Variants in MAML3 observed in about 807,000 individuals in gnomAD.
MAML3 encodes the protein mastermind like transcriptional coactivator 3, also known as mastermind-like protein 3.
MAML3 carries 27 observed loss-of-function variants against 101.9 expected under a neutral mutation model. The ratio of observed to expected loss-of-function variants is 0.27; its 90% CI spans 0.20 to 0.37. The LOEUF is 0.37. MAML3 is among the 10% of genes least tolerant of loss of function. The pLI is 1.00. For missense variants in MAML3, 1,316 were observed against 1,444.9 expected, an observed-to-expected ratio of 0.91 and a Z score of 1.45; for synonymous variants, 501 against 555.9, an observed-to-expected ratio of 0.90 and a Z score of 1.39.
intron 1 of MAML3, among the ~76,000 whole-genome samples, chr4:139,999,675 C>T (rs1734884269): frequency 6.6e-6 from 1 of 152,180 alleles, no homozygotes; most frequent in South Asian, 2.1e-4. Context: ...ATTGACATCC[C>T]ATCCAATATA....
intron 2 of MAML3, among the ~76,000 whole-genome samples, chr4:139,763,126 T>C (rs1729787858): frequency 6.6e-6 from 1 of 152,206 alleles, no homozygotes; most frequent in African/African-American, 2.4e-5. Flanking sequence ...TATCCAGGGA[T>C]GACAATCTAA....
At chr4:139,798,600 G>T (rs1303663640) in intron 2 of MAML3, among the ~76,000 whole-genome samples, 1 of 152,276 alleles carries the variant, frequency 6.6e-6, no homozygotes, top group East Asian at 1.9e-4. Context: ...GTCATGATGT[G>T]CTCTCCCTAT....
chr4:139,959,784 T>G (rs1243928870), intron 1 of MAML3, among the ~76,000 whole-genome samples: 74 of 152,240 alleles, frequency 4.9e-4, no homozygotes, highest in Non-Finnish European at 1.5e-5. Flanking sequence ...GGCAGATTTA[T>G]GTATAACAAG....
intron 2 of MAML3, among the ~76,000 whole-genome samples, chr4:139,862,443 C>T (rs1731800197): frequency 6.6e-6 from 1 of 152,188 alleles, no homozygotes; most frequent in Admixed American, 6.5e-5. Context: ...TTTGACCATC[C>T]AGCTCACTGT....
At chr4:139,909,662 C>A (rs896557316) in intron 1 of MAML3, among the ~76,000 whole-genome samples, 3 of 151,850 alleles carry the variant, frequency 2.0e-5, no homozygotes, top group Non-Finnish European at 4.4e-5. Context: ...TATGGTGAAA[C>A]CCCATTTCTA....
At chr4:139,942,079 A>C (rs1206408200) in intron 1 of MAML3, among the ~76,000 whole-genome samples, 1 of 152,118 alleles carries the variant, frequency 6.6e-6, no homozygotes, top group African/African-American at 2.4e-5. Flanking sequence ...GGTTGCAGTG[A>C]GCAAAGATCG....
intron 1 of MAML3, among the ~76,000 whole-genome samples, chr4:140,145,246 G>A (rs1386053064): frequency 6.6e-6 from 1 of 152,174 alleles, no homozygotes; most frequent in Non-Finnish European, 1.5e-5. Context: ...GTTGAGGGGT[G>A]GAGGGTCCAT....
chr4:139,922,292 C>T (rs767597224), intron 1 of MAML3, among the ~76,000 whole-genome samples: 27 of 152,328 alleles, frequency 1.8e-4, no homozygotes, highest in Non-Finnish European at 3.4e-4. Flanking sequence ...CACCTTCTCA[C>T]TCACCTTTAA....
chr4:139,998,976 G>A (rs940610618), intron 1 of MAML3, among the ~76,000 whole-genome samples: 1 of 152,152 alleles, frequency 6.6e-6, no homozygotes, highest in Non-Finnish European at 1.5e-5. Context: ...CTCTGCTGAT[G>A]GATCTATCTG....
chr4:139,784,777 C>G (rs1484584770), intron 2 of MAML3, among the ~76,000 whole-genome samples: 3 of 152,156 alleles, frequency 2.0e-5, no homozygotes, highest in Non-Finnish European at 4.4e-5. Flanking sequence ...GTCTGCAGCC[C>G]CTGCCCTCAT....
chr4:140,074,596 C>G (rs977797953), intron 1 of MAML3, among the ~76,000 whole-genome samples: 7 of 152,196 alleles, frequency 4.6e-5, no homozygotes, highest in Admixed American at 1.3e-4. Flanking sequence ...ATTCCGCATC[C>G]CAGCTCTTCT....
In MAML3 at chr4:139,797,929, A is replaced by G. The variant is rs1730539392; in HGVS notation, c.2080-67262T>C. 2.6e-5 allele frequency among the ~76,000 whole-genome samples: 4 copies of G among 152,008 alleles called. No individual in the cohort carries two copies. In the South Asian group the frequency reaches 8.3e-4, roughly 32 times the overall value. On this transcript the variant is annotated intron_variant, in intron 2 of 4. Transcript: ENST00000509479. The stretch of plus-strand genomic sequence containing the variant: ...GAAAATATCCATATTTTAGAATTGT[A>G]TATGTATATATAAAAAAGGAAGGGG...
intron 1 of MAML3, among the ~76,000 whole-genome samples, chr4:140,083,959 CACACACACAGAGAGAGAGAG>C (rs1257238235): frequency 4.5e-3 from 132 of 29,184 alleles, no homozygotes; most frequent in African/African-American, 0.011. Flanking sequence ...CACACACACA[CACACACACAGAGAGAGAGAG>C]AGAGAGAGAG....
intron 2 of MAML3, among the ~76,000 whole-genome samples, chr4:139,793,191 C>T (rs1434607510): frequency 6.6e-6 from 1 of 152,138 alleles, no homozygotes; most frequent in Non-Finnish European, 1.5e-5. Flanking sequence ...CACCTCCCTC[C>T]AGCCCCTCTA....
At chr4:140,110,466 T>C (rs1210994480) in intron 1 of MAML3, among the ~76,000 whole-genome samples, 2 of 152,214 alleles carry the variant, frequency 1.3e-5, no homozygotes, top group African/African-American at 4.8e-5. Context: ...GATGGCTACC[T>C]GACTGTCCGG....
Position 139,717,973 on chromosome 4 carries a change from C to T in MAML3, c.*1350G>A, listed in dbSNP as rs572607994. On this transcript the variant is annotated 3_prime_UTR_variant, in exon 5 of 5. Transcript: ENST00000509479. ...TGCCCATATGAAATAAACTACATCT[C>T]CTTTCTATCCAAATTTGTAAGGTGG... 6.6e-6 allele frequency: 1 copy of T among 152,210 alleles called. No individual in the cohort carries two copies. The highest frequency in any genetic ancestry group is 1.5e-5 in the Non-Finnish European group (1 of 68,040). The allele number at this position is 152,210 out of a possible 1,614,324, so 9.4% of individuals were successfully genotyped here.
intron 1 of MAML3, among the ~76,000 whole-genome samples, chr4:140,068,314 G>C (rs1332259765): frequency 6.6e-6 from 1 of 152,162 alleles, no homozygotes; most frequent in Non-Finnish European, 1.5e-5. Flanking sequence ...GCACACACAG[G>C]CTTTGTACAC....
At chr4:139,886,382 A>G (rs936510367) in intron 2 of MAML3, among the ~76,000 whole-genome samples, 18 of 152,304 alleles carry the variant, frequency 1.2e-4, no homozygotes, top group African/African-American at 4.3e-4. Flanking sequence ...CATGTATGAT[A>G]GAAAGTTTAG....
At chr4:139,980,961 A>G (rs1197523514) in intron 1 of MAML3, among the ~76,000 whole-genome samples, 1 of 152,200 alleles carries the variant, frequency 6.6e-6, no homozygotes, top group African/African-American at 2.4e-5. Flanking sequence ...GTTCCAGGCA[A>G]AAGTTCTGGG....
Sources: gnomAD v4.1 joint callset for allele counts (sites outside exome capture counted in the v4.1 genomes callset) on GRCh38, gnomAD v4.1.1 for gene constraint, MANE v1.5 for transcripts, NCBI Gene and HGNC (gene_info 2026-07-23, HGNC 2026-07-21) for gene names.